The following CSMD1 variants were observed in gnomAD, a reference collection of about 807,000 sequenced individuals.
CSMD1 encodes CUB and Sushi multiple domains 1.
CSMD1 carries 213 observed loss-of-function variants against 417.5 expected under a neutral mutation model. That is an observed-to-expected ratio of 0.51 (90% CI 0.46 to 0.57). The LOEUF (loss-of-function observed/expected upper bound fraction) is 0.57, where lower values mean the gene tolerates loss of function less well. Among genes scored for constraint, CSMD1 ranks in the 20% least tolerant of loss-of-function variants. The pLI is 0.00. For missense variants in CSMD1, 6,923 were observed against 4,529.7 expected (o/e 1.53, Z -15.17); for synonymous variants, 2,862 against 1,736.8 (o/e 1.65, Z -16.11).
In CSMD1 at chr8:3,162,319, A is replaced by C. The variant is rs1216192491; in HGVS notation, c.5726-42T>G. The C allele has an allele frequency of 4.7e-6, 6 of 1,276,844 alleles. No homozygotes were observed. In the African/African-American group the frequency reaches 8.8e-5, roughly 19 times the overall value. 79.1% of individuals were successfully genotyped at this position (1,276,844 alleles called of 1,614,324 possible). ...AAATGCTAGAAATTATATGATGTAA[A>C]CAATATTCTTATCATTTGAATAACC... On this transcript the variant is annotated intron_variant, in intron 37 of 69. Transcript: ENST00000635120.
intron 7 of CSMD1, among the ~76,000 whole-genome samples, chr8:3,640,822 A>C (rs1797268964): frequency 6.6e-6 from 1 of 152,040 alleles, no homozygotes. Context: ...AGACCAGAGC[A>C]GGGCCTTAGT....
At chr8:4,493,879 G>C (rs1801847045) in intron 2 of CSMD1, among the ~76,000 whole-genome samples, 1 of 152,156 alleles carries the variant, frequency 6.6e-6, no homozygotes, top group African/African-American at 2.4e-5. Flanking sequence ...CTCATATAAA[G>C]AAGCAAAGAC....
At chr8:4,457,086 G>C (rs1217682) in intron 2 of CSMD1, among the ~76,000 whole-genome samples, 3,711 of 151,894 alleles carry the variant, frequency 0.024, 154 homozygotes, top group African/African-American at 0.084. Context: ...CTGGCACAGA[G>C]AAAAATAATA....
intron 1 of CSMD1, among the ~76,000 whole-genome samples, chr8:4,950,888 G>A (rs964877335): frequency 1.3e-5 from 2 of 151,814 alleles, no homozygotes; most frequent in Non-Finnish European, 2.9e-5. Context: ...TACCAGGGTG[G>A]CAAACAAATG....
At chr8:3,590,741 C>T (rs1800810032) in intron 8 of CSMD1, among the ~76,000 whole-genome samples, 1 of 152,168 alleles carries the variant, frequency 6.6e-6, no homozygotes, top group Non-Finnish European at 1.5e-5. Context: ...GGGTAAACGC[C>T]ATTCCAGCAG....
intron 1 of CSMD1, among the ~76,000 whole-genome samples, chr8:4,780,353 T>C (rs1203143492): frequency 6.6e-6 from 1 of 152,190 alleles, no homozygotes; most frequent in African/African-American, 2.4e-5. Context: ...AATTAGGACA[T>C]TAAGCAGGTG....
At chr8:4,275,022 C>T (rs902348992) in intron 3 of CSMD1, among the ~76,000 whole-genome samples, 2 of 152,042 alleles carry the variant, frequency 1.3e-5, no homozygotes, top group African/African-American at 2.4e-5. Context: ...ATACATTTTT[C>T]CATTGGTATC....
intron 49 of CSMD1, among the ~76,000 whole-genome samples, chr8:3,081,881 C>T (rs765349101): frequency 6.6e-6 from 1 of 152,176 alleles, no homozygotes; most frequent in Non-Finnish European, 1.5e-5. Flanking sequence ...CTTTTCTTAG[C>T]CTCAGAGTCA....
chr8:3,393,481 A>T (rs1444103459), intron 17 of CSMD1, among the ~76,000 whole-genome samples: 1 of 152,158 alleles, frequency 6.6e-6, no homozygotes, highest in African/African-American at 2.4e-5. Context: ...GAGAAAGAAA[A>T]ATGGCATTTT....
intron 39 of CSMD1, among the ~76,000 whole-genome samples, chr8:3,153,156 T>A (rs756486049): frequency 9.2e-5 from 14 of 152,176 alleles, no homozygotes; most frequent in Non-Finnish European, 1.9e-4. Flanking sequence ...AAAGCCAAGA[T>A]GGCCATGAGT....
At chr8:4,146,909 G>A (rs956911326) in intron 3 of CSMD1, among the ~76,000 whole-genome samples, 4 of 151,654 alleles carry the variant, frequency 2.6e-5, no homozygotes, top group Non-Finnish European at 4.4e-5. Flanking sequence ...CACCGCACCG[G>A]CCAGACACAC....
At chr8:4,287,104 A>G (rs1161287454) in intron 3 of CSMD1, among the ~76,000 whole-genome samples, 3 of 152,204 alleles carry the variant, frequency 2.0e-5, no homozygotes, top group African/African-American at 4.8e-5. Context: ...TACTTCACAC[A>G]AAACAAACAA....
chr8:3,359,599 G>C (rs1488767052), intron 20 of CSMD1, among the ~76,000 whole-genome samples: 3 of 151,236 alleles, frequency 2.0e-5, no homozygotes, highest in Non-Finnish European at 2.9e-5. Flanking sequence ...CTGGGAAGGG[G>C]GTGTATGGAG....
intron 2 of CSMD1, among the ~76,000 whole-genome samples, chr8:4,472,033 A>G (rs1016618341): frequency 1.3e-5 from 2 of 152,182 alleles, no homozygotes; most frequent in African/African-American, 4.8e-5. Flanking sequence ...TTTAACTAGA[A>G]ATAATTGGAA....
At chr8:3,147,817 G>C (rs1413913090) in intron 40 of CSMD1, among the ~76,000 whole-genome samples, 1 of 152,206 alleles carries the variant, frequency 6.6e-6, no homozygotes. Flanking sequence ...GAAAACCGAG[G>C]AGGGGAGAGG....
chr8:4,020,907 C>T (rs180695050), intron 4 of CSMD1, among the ~76,000 whole-genome samples: 1 of 152,322 alleles, frequency 6.6e-6, no homozygotes, highest in Admixed American at 6.5e-5. Flanking sequence ...TATGCTTCAG[C>T]AATTGCTGAA....
intron 3 of CSMD1, among the ~76,000 whole-genome samples, chr8:4,358,165 G>C (rs1191713282): frequency 2.6e-5 from 4 of 152,108 alleles, no homozygotes; most frequent in Non-Finnish European, 5.9e-5. Context: ...GCAAAATTAT[G>C]ATGACGTTCA....
At chr8:4,407,279 A>T (rs1395044197) in intron 3 of CSMD1, among the ~76,000 whole-genome samples, 1 of 152,234 alleles carries the variant, frequency 6.6e-6, no homozygotes, top group African/African-American at 2.4e-5. Context: ...CTTTTGGAGT[A>T]ATTTCATAGG....
chr8:4,211,341 A>G (rs937138728), intron 3 of CSMD1, among the ~76,000 whole-genome samples: 1 of 152,036 alleles, frequency 6.6e-6, no homozygotes, highest in Admixed American at 6.5e-5. Context: ...AAATTTCTTT[A>G]CATTTCTTTT....
Sources: allele counts gnomAD v4.1 joint callset (sites outside exome capture counted in the v4.1 genomes callset), GRCh38; gene constraint gnomAD v4.1.1; transcripts MANE v1.5; gene names NCBI Gene and HGNC (gene_info 2026-07-23, HGNC 2026-07-21).